ATR: variants seen among roughly 807,000 people sequenced by gnomAD.
ATR encodes the protein ATR checkpoint kinase, also known as serine/threonine-protein kinase ATR.
Under a neutral mutation model 305.3 loss-of-function variants are expected in ATR, and 142 were observed. The observed-to-expected ratio is 0.47, with a 90% CI of 0.41 to 0.53. The LOEUF is 0.53. Among genes scored for constraint, ATR ranks in the 20% least tolerant of loss-of-function variants. ATR has a pLI of 0.00. For missense variants in ATR, 2,135 were observed against 3,133.1 expected (o/e 0.68, Z 7.60); for synonymous variants, 1,050 against 1,068.1 (o/e 0.98, Z 0.33).
At chr3:142,556,192 A>C (rs909092410) in intron 9 of ATR, 53 bp from the exon 10 acceptor site, 30 of 1,594,556 alleles carry the variant, frequency 1.9e-5, no homozygotes, top group Non-Finnish European at 2.2e-5. Flanking sequence ...TTTGTGGTCT[A>C]AATAGTCTTG....
At chr3:142,489,035 T>C (rs545068799) in intron 35 of ATR, among the ~76,000 whole-genome samples, 2 of 152,286 alleles carry the variant, frequency 1.3e-5, no homozygotes, top group African/African-American at 4.8e-5. Context: ...CTAAATGATA[T>C]CTTTAAAAAT....
intron 35 of ATR, among the ~76,000 whole-genome samples, chr3:142,490,995 TG>T (rs2031245664): frequency 6.6e-6 from 1 of 152,124 alleles, no homozygotes; most frequent in Non-Finnish European, 1.5e-5. Flanking sequence ...ACAGCTCTAT[TG>T]GGATATAATT....
rs2034244783 is a variant in ATR, at chr3:142,545,720, G to C, written c.3357+2005C>G. Among the ~76,000 whole-genome samples the C allele has an allele frequency of 2.0e-5, 3 of 152,106 alleles. No homozygotes were observed. In the South Asian group the frequency reaches 6.2e-4, roughly 32 times the overall value. ...TGATCATTATTTGTGTAAGGGTGGT[G>C]GTGGCAGAAATGAAAAGATATATTT... On this transcript the variant is annotated intron_variant, in intron 16 of 46. Coordinates refer to ENST00000350721, the MANE Select transcript of ATR (RefSeq NM_001184.4).
rs145474395 is a variant in ATR, at chr3:142,541,056, C to G, written c.3451-22G>C. ...AGGCCTATAGAGTTAAGTAGTGCTT[C>G]AGAGTAAAGCTTATAAACATGCTGC... On this transcript the variant is annotated intron_variant, in intron 17 of 46. Transcript: ENST00000350721. 8.9e-3 allele frequency: 14,291 copies of G among 1,612,960 alleles called. 117 individuals are homozygous for G. Among genetic ancestry groups the G allele is most frequent in the South Asian group, 0.023 (2,123 of 91,040 alleles).
chr3:142,461,735 A>C (rs75944669), intron 42 of ATR, among the ~76,000 whole-genome samples: 2 of 152,148 alleles, frequency 1.3e-5, no homozygotes, highest in African/African-American at 4.8e-5. Context: ...GGATGAAGAC[A>C]GGGAAGGAAT....
At chr3:142,496,574 C>T (rs2031661549) in intron 33 of ATR, 54 bp from the exon 34 acceptor site, 1 of 1,554,902 alleles carries the variant, frequency 6.4e-7, no homozygotes, top group Admixed American at 1.7e-5. Flanking sequence ...GTGTACACAA[C>T]AACTTAACTT....
rs1395533753 is a variant in ATR, at chr3:142,549,627, G to A, written c.3023C>T (p.Pro1008Leu). 6.2e-7 allele frequency: 1 copy of A among 1,613,584 alleles called. No individual in the cohort carries two copies. The highest frequency in any genetic ancestry group is 8.5e-7 in the Non-Finnish European group (1 of 1,179,812). ...LLPDLAAKAS[P>L]AASALIRTLG... The stretch of plus-strand genomic sequence containing the variant: ...AGTTCGAATGAGAGCAGAAGCTGCA[G>A]GGCTTGCTTTGGCAGCAAGATCAGG... Residue 1008 changes from proline (P) to leucine (L), a missense_variant, in exon 15 of 47, where the codon CCT becomes CTT. Pro to Leu is a moderately conservative substitution (Grantham distance 98). Around this residue, in one of 9 missense-constraint regions of ATR, gnomAD observed 530 missense variants for 766.8 expected, o/e 0.69. Transcript: ENST00000350721.
At chr3:142,462,564 G>T (rs919940565) in intron 41 of ATR, among the ~76,000 whole-genome samples, 1 of 151,922 alleles carries the variant, frequency 6.6e-6, no homozygotes, top group Admixed American at 6.6e-5. Context: ...TGCCTCTCGG[G>T]TTCTTGCCAT....
chr3:142,510,549 A>T (rs1047465275), intron 27 of ATR, among the ~76,000 whole-genome samples: 4 of 152,200 alleles, frequency 2.6e-5, no homozygotes, highest in African/African-American at 9.6e-5. Context: ...AACATTCTCC[A>T]AGCAGGTAAT....
In ATR at chr3:142,535,175, T is replaced by C. The variant is rs1286957098; in HGVS notation, c.3850A>G (p.Thr1284Ala). The C allele has an allele frequency of 1.9e-6, 3 of 1,613,140 alleles. No individual in the cohort carries two copies. Among genetic ancestry groups the C allele is most frequent in the Non-Finnish European group, 1.7e-6 (2 of 1,179,402 alleles). Residue 1284 changes from threonine to alanine, a missense_variant, in exon 21 of 47, where the codon ACT (threonine) becomes GCT (alanine). By Grantham distance (58) the Thr-to-Ala change is moderately conservative (BLOSUM62 0). Around this residue, in one of 9 missense-constraint regions of ATR, gnomAD observed 530 missense variants for 766.8 expected, o/e 0.69. Coordinates refer to ENST00000350721, the MANE Select transcript of ATR (RefSeq NM_001184.4). ...ETSESTDLQTTLQLSMKAIQH... is the reference protein window; with the variant it reads ...ETSESTDLQTALQLSMKAIQH... The stretch of plus-strand genomic sequence containing the variant: ...ATGGCCTTCATAGAGAGCTGAAGAG[T>C]TGTCTGAAGATCAGTGCTCTCAGAG...
intron 27 of ATR, among the ~76,000 whole-genome samples, chr3:142,511,234 C>T (rs1229438419): frequency 6.6e-6 from 1 of 151,836 alleles, no homozygotes; most frequent in Non-Finnish European, 1.5e-5. Flanking sequence ...ACTGAGGAAA[C>T]ATATAATATG....
chr3:142,518,998 T>C (rs1278887387), intron 24 of ATR, among the ~76,000 whole-genome samples: 1 of 152,188 alleles, frequency 6.6e-6, no homozygotes, highest in Non-Finnish European at 1.5e-5. Flanking sequence ...TTGGGCCTAC[T>C]AAAGGCTTTC....
chr3:142,535,270 C>T (rs1383330421), intron 20 of ATR, 65 bp from the exon 21 acceptor site: 4 of 1,587,770 alleles, frequency 2.5e-6, no homozygotes, highest in Middle Eastern at 1.7e-4. Flanking sequence ...TTTCCAAAGG[C>T]CTGAATTCTC....
rs1331207832 is a variant in ATR at position 142,512,483 on chromosome 3, T to C, written c.4642-13A>G. 4 of 1,563,150 alleles carry C rather than the reference T, an allele frequency of 2.6e-6. No homozygotes were observed. Among genetic ancestry groups the C allele is most frequent in the Non-Finnish European group, 3.5e-6 (4 of 1,137,986 alleles). Reference sequence around the variant, plus strand: ...TTTCTGCATAAACCTATGAGAATCATTTATAATTAATAATAATATCTATAT... The same window carrying C: ...TTTCTGCATAAACCTATGAGAATCACTTATAATTAATAATAATATCTATAT... On this transcript the variant is annotated splice_polypyrimidine_tract_variant and intron_variant, in intron 26 of 46. Transcript: ENST00000350721.
At position 142,553,223 on chromosome 3, in the gene ATR, T is replaced by C. The variant is rs749355001; in HGVS notation, c.2805+4A>G. The stretch of plus-strand genomic sequence containing the variant: ...CTATAGTCCAGACAAACGCTGACTC[T>C]TACCTGACAGATGGGTTTCTTATAC... On this transcript the variant is annotated splice_donor_region_variant and intron_variant, in intron 13 of 46. Coordinates refer to ENST00000350721, the MANE Select transcript of ATR (RefSeq NM_001184.4). 6.2e-7 allele frequency: 1 copy of C among 1,614,096 alleles called. No homozygotes were observed. Among genetic ancestry groups the C allele is most frequent in the South Asian group, 1.1e-5 (1 of 91,084 alleles).
In ATR at chr3:142,465,203, ATCT is replaced by A; in HGVS notation, c.6932_6934del (p.Lys2311del). The A allele has an allele frequency of 6.2e-7, 1 of 1,611,170 alleles. No individual in the cohort carries two copies. Among genetic ancestry groups the A allele is most frequent in the Non-Finnish European group, 8.5e-7 (1 of 1,178,068 alleles). ...CTTTCCATCTGAGCCTTTTAAAGAA[ATCT>A]TCTTTGGTTTCTGAAGAGAAGCAAG... On this transcript the variant is annotated inframe_deletion, in exon 41 of 47. Transcript: ENST00000350721.
At chr3:142,529,031 G>A (rs968212475) in intron 21 of ATR, among the ~76,000 whole-genome samples, 4 of 150,022 alleles carry the variant, frequency 2.7e-5, no homozygotes, top group African/African-American at 7.4e-5. Context: ...TTACAGGTGC[G>A]CCATCATGCC....
chr3:142,552,972 G>T (rs186549129), intron 13 of ATR, among the ~76,000 whole-genome samples: 1 of 152,010 alleles, frequency 6.6e-6, no homozygotes, highest in East Asian at 1.9e-4. Context: ...GTGGGGGAAG[G>T]GAGAGTATCA....
intron 34 of ATR, among the ~76,000 whole-genome samples, chr3:142,495,373 C>T (rs2031522690): frequency 1.3e-5 from 2 of 152,112 alleles, no homozygotes; most frequent in Admixed American, 6.5e-5. Context: ...CCAGAACATG[C>T]TATTATTATT....
Sources: allele counts gnomAD v4.1 joint callset (sites outside exome capture counted in the v4.1 genomes callset), GRCh38; gene constraint gnomAD v4.1.1; regional missense constraint gnomAD v4.1.1; transcripts MANE v1.5; gene names NCBI Gene and HGNC (gene_info 2026-07-23, HGNC 2026-07-21).